Variants in ROS1 observed in about 807,000 individuals in gnomAD.
The protein encoded by ROS1 is proto-oncogene tyrosine-protein kinase ROS.
ROS1 carries 263 observed loss-of-function variants against 273.5 expected under a neutral mutation model. The ratio of observed to expected loss-of-function variants is 0.96; its 90% CI spans 0.87 to 1.06. The LOEUF is 1.06. Among genes scored for constraint, ROS1 ranks in the 50% least tolerant of loss-of-function variants. The pLI, the probability that ROS1 is intolerant of heterozygous loss-of-function variation, is 0.00. For synonymous variants in ROS1, 1,008 were observed against 954.1 expected (o/e 1.06, Z -1.04); for missense variants, 2,833 against 2,751.1 (o/e 1.03, Z -0.67).
chr6:117,295,978 C>T (rs1323102873), intron 43 of ROS1, among the ~76,000 whole-genome samples: 1 of 152,140 alleles, frequency 6.6e-6, no homozygotes, highest in Non-Finnish European at 1.5e-5. Context: ...TTCAGCAATC[C>T]CACTGCTGTA....
chr6:117,372,096 T>C (rs1219439149), intron 18 of ROS1, among the ~76,000 whole-genome samples: 1 of 152,178 alleles, frequency 6.6e-6, no homozygotes, highest in Non-Finnish European at 1.5e-5. Context: ...GGGGCATATC[T>C]TAATGTAATA....
intron 1 of ROS1, among the ~76,000 whole-genome samples, chr6:117,423,439 G>A (rs1032202993): frequency 6.6e-6 from 1 of 152,152 alleles, no homozygotes. Flanking sequence ...TGATTCAACC[G>A]TGAATTCTTT....
At chr6:117,424,284 C>T (rs1256452217) in intron 1 of ROS1, among the ~76,000 whole-genome samples, 4 of 151,440 alleles carry the variant, frequency 2.6e-5, no homozygotes, top group Admixed American at 2.6e-4. Context: ...AAGCTGGTTG[C>T]ATAGCTGGGT....
rs1777908539 is a variant in ROS1, at chr6:117,341,408, C to T, written c.4876G>A (p.Val1626Met). 6.2e-7 allele frequency: 1 copy of T among 1,613,312 alleles called. No homozygotes were observed. The highest frequency in any genetic ancestry group is 2.2e-5 in the East Asian group (1 of 44,872). Residue 1626 changes from valine (V) to methionine (M), a missense_variant, in exon 30 of 44, where the codon GTG becomes ATG. Transcript: ENST00000368507. ...TAGTAAACTCACTGTACCTTTAACA[C>T]ATAAATATTTCCACCAGACAGTCTA... is the stretch of plus-strand genomic sequence containing the variant. ...VTRLSGGNIYVLKVLACHSEE... is the reference protein window; with the variant it reads ...VTRLSGGNIYMLKVLACHSEE...
Position 117,425,688 on chromosome 6 carries a change from G to C in ROS1, c.-32C>G. On this transcript the variant is annotated 5_prime_UTR_variant, in exon 1 of 44. Transcript: ENST00000368507. ...ACCAATGGCAGATTTTTAGATGGCC[G>C]GTCTAATTTTCTCCATTTTGCTATA... 2 of 1,605,618 alleles carry C rather than the reference G, an allele frequency of 1.2e-6. No individual in the cohort carries two copies. Among genetic ancestry groups the C allele is most frequent in the East Asian group, 4.5e-5 (2 of 44,546 alleles).
rs979405274 is a variant in ROS1 at position 117,287,372 on chromosome 6, T to C, written c.*1120A>G. ...CTTGAATTAACATTGTATAATCATT[T>C]ATATTTAATTTTAAGCATAATTTGA... On this transcript the variant is annotated 3_prime_UTR_variant, in exon 44 of 44. Transcript: ENST00000368507. Among the ~76,000 whole-genome samples the C allele has an allele frequency of 3.9e-5, 6 of 152,216 alleles. No individual in the cohort carries two copies. Among genetic ancestry groups the C allele is most frequent in the Non-Finnish European group, 7.3e-5 (5 of 68,042 alleles).
intron 5 of ROS1, among the ~76,000 whole-genome samples, chr6:117,407,439 G>T (rs2128731221): frequency 6.6e-6 from 1 of 152,262 alleles, no homozygotes; most frequent in African/African-American, 2.4e-5. Context: ...ATCAGGCAGA[G>T]GGAGCTGATA....
chr6:117,380,616 T>G (rs1020857408), intron 17 of ROS1, among the ~76,000 whole-genome samples: 3 of 152,006 alleles, frequency 2.0e-5, no homozygotes, highest in African/African-American at 7.2e-5. Flanking sequence ...AAAAGGAGAT[T>G]CTACAATTTT....
chr6:117,321,047 T>C (rs1473553070), intron 36 of ROS1, among the ~76,000 whole-genome samples: 2 of 152,178 alleles, frequency 1.3e-5, no homozygotes, highest in African/African-American at 2.4e-5. Flanking sequence ...TACTGGAAAC[T>C]AATGGATTTT....
At chr6:117,385,283 G>A (rs554463465) in intron 16 of ROS1, among the ~76,000 whole-genome samples, 4 of 152,132 alleles carry the variant, frequency 2.6e-5, no homozygotes, top group Admixed American at 1.3e-4. Context: ...GGCCGGGAGC[G>A]GTGGCTCACG....
chr6:117,313,291 G>A (rs543606051), intron 39 of ROS1, among the ~76,000 whole-genome samples: 102 of 152,244 alleles, frequency 6.7e-4, no homozygotes, highest in Middle Eastern at 6.8e-3. Context: ...AAGGCTAGGT[G>A]TGGTATCTCA....
At chr6:117,404,749 G>C (rs1321802) in intron 5 of ROS1, among the ~76,000 whole-genome samples, 81,250 of 152,030 alleles carry the variant, frequency 0.53, 22,399 homozygotes, top group African/African-American at 0.67. Flanking sequence ...TCTTACAGGC[G>C]GGGGGAGCCA....
At chr6:117,310,309 A>G in intron 40 of ROS1, 28 bp from the exon 41 acceptor site, 1 of 1,468,610 alleles carries the variant, frequency 6.8e-7, no homozygotes, top group Non-Finnish European at 9.3e-7. Context: ...TTTAATAATA[A>G]TAATAATAAC....
At chr6:117,360,466 T>C in intron 22 of ROS1, 61 bp from the exon 23 acceptor site, 1 of 1,084,346 alleles carries the variant, frequency 9.2e-7, no homozygotes. Flanking sequence ...AATTAAGTTC[T>C]GAGACTGAGA....
At chr6:117,352,433 G>A (rs1373060841) in intron 27 of ROS1, among the ~76,000 whole-genome samples, 2 of 152,018 alleles carry the variant, frequency 1.3e-5, no homozygotes, top group East Asian at 1.9e-4. Flanking sequence ...AGTAGGATGA[G>A]GGGCATAACA....
In ROS1 at chr6:117,418,507, C is replaced by T; in HGVS notation, c.124-1G>A. 6.3e-7 allele frequency: 1 copy of T among 1,599,456 alleles called. No individual in the cohort carries two copies. Among genetic ancestry groups the T allele is most frequent in the East Asian group, 2.3e-5 (1 of 44,270 alleles). On this transcript the variant is annotated splice_acceptor_variant, in intron 1 of 43. Coordinates refer to ENST00000368507, the MANE Select transcript of ROS1 (RefSeq NM_001378902.1). LOFTEE classifies it high-confidence loss of function. ...GTGTGCCAAGGTCAAGCTGCTGGCCCTGAAATGAAGAAGGAGGTAGTAAAC... is the reference window on the plus strand; with the variant it reads ...GTGTGCCAAGGTCAAGCTGCTGGCCTTGAAATGAAGAAGGAGGTAGTAAAC...
intron 7 of ROS1, among the ~76,000 whole-genome samples, chr6:117,402,119 G>T (rs951410723): frequency 2.6e-5 from 4 of 152,098 alleles, no homozygotes; most frequent in Non-Finnish European, 5.9e-5. Context: ...ACCTTACAGT[G>T]ACTCTCCTTC....
chr6:117,367,526 C>T (rs1413283332), intron 18 of ROS1, among the ~76,000 whole-genome samples: 1 of 152,222 alleles, frequency 6.6e-6, no homozygotes, highest in Non-Finnish European at 1.5e-5. Context: ...CACCTCACAT[C>T]TAACCCAGTT....
intron 43 of ROS1, chr6:117,299,411 AG>A (rs34028923): frequency 0.19 from 28,470 of 152,266 alleles, 3,245 homozygotes; most frequent in Non-Finnish European, 0.27. Flanking sequence ...ACTGATCACC[AG>A]GGTTGATTCA....
Sources: allele counts gnomAD v4.1 joint callset (sites outside exome capture counted in the v4.1 genomes callset), GRCh38; gene constraint gnomAD v4.1.1; transcripts MANE v1.5; gene names NCBI Gene and HGNC (gene_info 2026-07-23, HGNC 2026-07-21).